The following PCCA variants were observed in gnomAD, a reference collection of about 807,000 sequenced individuals.
The protein encoded by PCCA is propionyl-CoA carboxylase alpha chain, mitochondrial.
A neutral mutation model predicts 101.3 loss-of-function variants in PCCA; 74 were observed. The observed-to-expected ratio is 0.73, with a 90% CI of 0.61 to 0.89. The LOEUF is 0.89. Among genes scored for constraint, PCCA ranks in the 40% least tolerant of loss-of-function variants. The pLI is 0.00. For missense variants in PCCA, 891 were observed against 907.0 expected (o/e 0.98, Z 0.23); for synonymous variants, 294 against 313.6 (o/e 0.94, Z 0.66).
chr13:100,483,377 C>T (rs932545351), intron 21 of PCCA, among the ~76,000 whole-genome samples: 7 of 152,216 alleles, frequency 4.6e-5, no homozygotes, highest in Non-Finnish European at 7.3e-5. Flanking sequence ...CGGCGCTGTC[C>T]TTTTCTCCTC....
At chr13:100,165,726 A>C (rs2054962109) in intron 6 of PCCA, among the ~76,000 whole-genome samples, 1 of 152,162 alleles carries the variant, frequency 6.6e-6, no homozygotes, top group South Asian at 2.1e-4. Flanking sequence ...ACACTTCAGC[A>C]TGCAGTTTTT....
chr13:100,214,309 A>G (rs187727315), intron 7 of PCCA, among the ~76,000 whole-genome samples: 2 of 152,036 alleles, frequency 1.3e-5, no homozygotes, highest in East Asian at 3.9e-4. Flanking sequence ...TTTAGGTAGT[A>G]TGGACATTTT....
chr13:100,112,133 C>A, intron 4 of PCCA, 72 bp downstream of exon 4: 1 of 1,057,326 alleles, frequency 9.5e-7, no homozygotes, highest in Non-Finnish European at 1.5e-6. Flanking sequence ...GACATACAGG[C>A]TTTTTTTCTT....
chr13:100,154,979 G>A lies in PCCA; in HGVS notation c.301G>A (p.Val101Ile), dbSNP rs761184623. 2 of 1,610,970 alleles carry A rather than the reference G, an allele frequency of 1.2e-6. No homozygotes were observed. The highest frequency in any genetic ancestry group is 1.3e-5 in the African/African-American group (1 of 74,948). Residue 101 changes from valine (V) to isoleucine (I), a missense_variant and splice_region_variant, in exon 5 of 24, where the codon GTT becomes ATT. Transcript: ENST00000376285. ...TTAATGCAGAAATTTGTCTCCTCAG[G>A]TTCATGTGAAAATGGCGGATGAGGC... The part of the protein sequence containing the change: ...AIHSDVDASS[V>I]HVKMADEAVC...
chr13:100,128,608 G>A (rs1401724753), intron 4 of PCCA, among the ~76,000 whole-genome samples: 1 of 152,108 alleles, frequency 6.6e-6, no homozygotes, highest in African/African-American at 2.4e-5. Context: ...AAGACCGCGT[G>A]CGCAAAGGCT....
intron 7 of PCCA, among the ~76,000 whole-genome samples, chr13:100,235,176 T>C (rs939383175): frequency 1.3e-5 from 2 of 152,068 alleles, no homozygotes; most frequent in African/African-American, 4.8e-5. Flanking sequence ...TTTCTTTCTT[T>C]TGCTTTTTGG....
intron 18 of PCCA, among the ~76,000 whole-genome samples, chr13:100,367,617 A>G (rs189152378): frequency 6.6e-6 from 1 of 150,892 alleles, no homozygotes; most frequent in African/African-American, 2.4e-5. Flanking sequence ...TAGTAATAAC[A>G]TTATAAAATA....
intron 12 of PCCA, among the ~76,000 whole-genome samples, chr13:100,297,856 C>T (rs188376195): frequency 1.3e-5 from 2 of 152,176 alleles, no homozygotes; most frequent in Admixed American, 1.3e-4. Flanking sequence ...ATAACCAATA[C>T]AAATAAATTT....
intron 1 of PCCA, among the ~76,000 whole-genome samples, chr13:100,098,188 G>T (rs2046950083): frequency 6.6e-6 from 1 of 152,078 alleles, no homozygotes; most frequent in African/African-American, 2.4e-5. Context: ...GGCAAACATA[G>T]TGAGACCCCC....
Position 100,422,070 on chromosome 13 carries a change from T to TCTTTCTTTCTTTCTTTCTTTC in PCCA, c.1747-3563_1747-3562insCTTTCTTTCTTTCTTTCTTTC, listed in dbSNP as rs1555454058. Among the ~76,000 whole-genome samples, 70 of 110,704 alleles carry TCTTTCTTTCTTTCTTTCTTTC rather than the reference T, an allele frequency of 6.3e-4. 1 individual carries two copies. The highest frequency in any genetic ancestry group is 2.4e-3 in the African/African-American group (69 of 28,820). 72.6% of individuals were successfully genotyped at this position (110,704 alleles called of 152,430 possible). ...TCTTTTCCTTTTCTCTTCTCTTTTC[T>TCTTTCTTTCTTTCTTTCTTTC]TTTCTTTCTTTCTTTCTTTCTTTCT... is the stretch of plus-strand genomic sequence containing the variant. On this transcript the variant is annotated intron_variant, in intron 19 of 23. Coordinates refer to ENST00000376285, the MANE Select transcript of PCCA (RefSeq NM_000282.4).
intron 6 of PCCA, among the ~76,000 whole-genome samples, chr13:100,173,116 T>A (rs1399733817): frequency 1.3e-5 from 2 of 152,198 alleles, no homozygotes; most frequent in African/African-American, 4.8e-5. Context: ...AAGAGCTGTC[T>A]GTAAAAGTTC....
At chr13:100,156,849 G>C (rs1373737898) in intron 5 of PCCA, among the ~76,000 whole-genome samples, 3 of 152,194 alleles carry the variant, frequency 2.0e-5, no homozygotes, top group African/African-American at 7.2e-5. Flanking sequence ...AGAATTTAGA[G>C]TTTTTCATCC....
chr13:100,523,586 G>A (rs79037609), intron 22 of PCCA, among the ~76,000 whole-genome samples: 1,693 of 152,264 alleles, frequency 0.011, 34 homozygotes, highest in African/African-American at 0.039. Flanking sequence ...TAAATGGGCC[G>A]AGGTTTCTCT....
At chr13:100,167,830 G>T (rs562449733) in intron 6 of PCCA, among the ~76,000 whole-genome samples, 1 of 152,022 alleles carries the variant, frequency 6.6e-6, no homozygotes. Context: ...ATACATGTGC[G>T]ATCTCGGCTC....
intron 20 of PCCA, among the ~76,000 whole-genome samples, chr13:100,438,454 T>G (rs1392424314): frequency 6.6e-6 from 1 of 152,184 alleles, no homozygotes; most frequent in Non-Finnish European, 1.5e-5. Flanking sequence ...CAAAGCCATG[T>G]TGATTTCTCA....
Position 100,124,524 on chromosome 13 carries a change from G to A in PCCA, c.300+12463G>A, listed in dbSNP as rs114227224. On this transcript the variant is annotated intron_variant, in intron 4 of 23. Coordinates refer to ENST00000376285, the MANE Select transcript of PCCA (RefSeq NM_000282.4). ...AGTGGGGTTTCCTGTGAGCACTCTGGGGTGATTGACAGTAAGGTGAGGGCA... is the reference window on the plus strand; with the variant it reads ...AGTGGGGTTTCCTGTGAGCACTCTGAGGTGATTGACAGTAAGGTGAGGGCA... Among the ~76,000 whole-genome samples the A allele has an allele frequency of 1.0e-2, 1,515 of 152,190 alleles. 33 individuals are homozygous for A. Among genetic ancestry groups the A allele is most frequent in the African/African-American group, 0.035 (1,450 of 41,508 alleles).
intron 18 of PCCA, among the ~76,000 whole-genome samples, chr13:100,363,128 A>G (rs2074807047): frequency 6.6e-6 from 1 of 152,114 alleles, no homozygotes; most frequent in African/African-American, 2.4e-5. Flanking sequence ...TTATTGCACT[A>G]GTTAAAAAAC....
intron 6 of PCCA, among the ~76,000 whole-genome samples, chr13:100,195,385 C>T (rs1386400094): frequency 6.6e-6 from 1 of 152,124 alleles, no homozygotes; most frequent in Non-Finnish European, 1.5e-5. Flanking sequence ...TTGAGTGATA[C>T]ATTTAAGCAT....
At position 100,456,091 on chromosome 13, in the gene PCCA, T is replaced by G. The variant is rs569636091; in HGVS notation, c.1899+6786T>G. On this transcript the variant is annotated intron_variant, in intron 21 of 23. Coordinates refer to ENST00000376285, the MANE Select transcript of PCCA (RefSeq NM_000282.4). Reference sequence around the variant, plus strand: ...ATCTTCACTTGGATCTTCTTAATTTTTGCCAGTGTGAATAGTGCCCTCATT... The same window carrying G: ...ATCTTCACTTGGATCTTCTTAATTTGTGCCAGTGTGAATAGTGCCCTCATT... Among the ~76,000 whole-genome samples the G allele has an allele frequency of 7.2e-5, 11 of 152,350 alleles. No individual in the cohort carries two copies. The East Asian group carries it at 2.1e-3, about 29-fold the overall frequency.
Sources: gnomAD v4.1 joint callset for allele counts (sites outside exome capture counted in the v4.1 genomes callset) on GRCh38, gnomAD v4.1.1 for gene constraint, MANE v1.5 for transcripts, NCBI Gene and HGNC (gene_info 2026-07-23, HGNC 2026-07-21) for gene names.